The following GLI3 variants were observed in gnomAD, a reference collection of about 807,000 sequenced individuals.
GLI3 encodes the protein transcription activator GLI3.
In GLI3, 20 loss-of-function variants were observed where a neutral mutation model predicts 100.8. That is an observed-to-expected ratio of 0.20 (90% CI 0.14 to 0.29). The LOEUF is 0.29. Among genes scored for constraint, GLI3 ranks in the 10% least tolerant of loss-of-function variants. The pLI, the probability that GLI3 is intolerant of heterozygous loss-of-function variation, is 1.00. For synonymous variants in GLI3, 938 were observed against 860.5 expected (o/e 1.09, Z -1.58); for missense variants, 2,040 against 2,128.5 (o/e 0.96, Z 0.82).
intron 3 of GLI3, among the ~76,000 whole-genome samples, chr7:42,101,837 T>TCCCCCCCCC (rs538820301): frequency 1.0e-5 from 1 of 99,714 alleles, no homozygotes; most frequent in Non-Finnish European, 1.9e-5. Context: ...CCCTCCACCC[T>TCCCCCCCCC]CTCCCACCCC....
rs144856058 is a variant in GLI3 at position 41,999,834 on chromosome 7, TTTGAGCCCCAAGGC to T, written c.1498-21100_1498-21087del. On this transcript the variant is annotated intron_variant, in intron 10 of 14. Coordinates refer to ENST00000395925, the MANE Select transcript of GLI3 (RefSeq NM_000168.6). ...TCCATTCTCTGCCCATGAAGCACAT[TTTGAGCCCCAAGGC>T]TCTACAGAATCAGAAAAAAAGAGAG... Among the ~76,000 whole-genome samples, 1,290 of 152,282 alleles carry T rather than the reference TTTGAGCCCCAAGGC, an allele frequency of 8.5e-3. 18 individuals are homozygous for T. Among genetic ancestry groups the T allele is most frequent in the African/African-American group, 0.029 (1,190 of 41,554 alleles).
At chr7:42,012,279 C>A (rs78400144) in intron 10 of GLI3, among the ~76,000 whole-genome samples, 3 of 152,104 alleles carry the variant, frequency 2.0e-5, no homozygotes, top group Non-Finnish European at 4.4e-5. Context: ...GTACTGATAG[C>A]GACAAGCCTC....
intron 4 of GLI3, among the ~76,000 whole-genome samples, chr7:42,062,853 C>A (rs114385899): frequency 0.012 from 1,807 of 152,104 alleles, 28 homozygotes; most frequent in African/African-American, 0.039. Flanking sequence ...GATGATAAGG[C>A]AGAAAGATAT....
At chr7:41,998,687 A>G (rs1010839089) in intron 10 of GLI3, among the ~76,000 whole-genome samples, 1 of 152,220 alleles carries the variant, frequency 6.6e-6, no homozygotes, top group Non-Finnish European at 1.5e-5. Flanking sequence ...GGCTCAGTAC[A>G]AATTACACTC....
rs182592740 is a variant in GLI3 at position 42,209,083 on chromosome 7, C to T, written c.124+14047G>A. ...TTAATTTTTATTTTAGAGACAGGGTCTCACTCTGCTGCCCACACTGGAGTG... is the reference window on the plus strand; with the variant it reads ...TTAATTTTTATTTTAGAGACAGGGTTTCACTCTGCTGCCCACACTGGAGTG... On this transcript the variant is annotated intron_variant, in intron 2 of 14. Transcript: ENST00000395925. 2.9e-3 allele frequency among the ~76,000 whole-genome samples: 441 copies of T among 152,198 alleles called. 2 individuals are homozygous for T. Among genetic ancestry groups the T allele is most frequent in the Non-Finnish European group, 4.6e-3 (314 of 68,010 alleles).
intron 2 of GLI3, among the ~76,000 whole-genome samples, chr7:42,220,518 T>C (rs1788465416): frequency 6.6e-6 from 1 of 152,150 alleles, no homozygotes; most frequent in Admixed American, 6.5e-5. Flanking sequence ...CACCAGTCCC[T>C]GTGATCAAGA....
At chr7:42,070,225 C>G in intron 4 of GLI3, among the ~76,000 whole-genome samples, 1 of 152,224 alleles carries the variant, frequency 6.6e-6, no homozygotes, top group East Asian at 1.9e-4. Flanking sequence ...GCAGCAAAGA[C>G]TGATAAGCAT....
intron 2 of GLI3, among the ~76,000 whole-genome samples, chr7:42,153,667 A>G (rs1013504018): frequency 1.2e-4 from 19 of 152,306 alleles, no homozygotes; most frequent in African/African-American, 4.1e-4. Context: ...TTCCATATTT[A>G]AGGTCTGAGT....
At chr7:42,060,265 G>A (rs1195002758) in intron 4 of GLI3, among the ~76,000 whole-genome samples, 1 of 152,114 alleles carries the variant, frequency 6.6e-6, no homozygotes, top group African/African-American at 2.4e-5. Flanking sequence ...CCTGGCTTCC[G>A]TTGCCTTGTT....
chr7:42,232,256 C>T (rs543330368), intron 1 of GLI3, among the ~76,000 whole-genome samples: 166 of 152,298 alleles, frequency 1.1e-3, no homozygotes, highest in Non-Finnish European at 2.0e-3. Context: ...GATGCCAACA[C>T]GGCCCTTAAG....
In GLI3 at chr7:41,966,091, C is replaced by T; in HGVS notation, c.2982G>A (p.Pro994=). ...AHGYGRRHLQ[P]HDAPGHGVRR... The stretch of plus-strand genomic sequence containing the variant: ...TCACGCCGTGGCCCGGCGCATCGTG[C>T]GGCTGCAGGTGGCGCCGCCCGTAGC... The change falls in exon 15 of 15, where the codon CCG becomes CCA. Residue 994 remains proline, a synonymous_variant. Transcript: ENST00000395925. The surrounding 1 kb of genome is among the most constrained non-coding windows in gnomAD (Gnocchi z 5.8). 2 of 1,570,172 alleles carry T rather than the reference C, an allele frequency of 1.3e-6. No individual in the cohort carries two copies. Among genetic ancestry groups the T allele is most frequent in the East Asian group, 2.3e-5 (1 of 42,866 alleles).
rs699491 is a variant in GLI3, at chr7:42,044,674, T to C, written c.826+710A>G. Among the ~76,000 whole-genome samples, 477 of 152,100 alleles carry C rather than the reference T, an allele frequency of 3.1e-3. 3 individuals are homozygous for C. Among genetic ancestry groups the C allele is most frequent in the African/African-American group, 0.011 (458 of 41,496 alleles). ...TTTCATATATTCAGCAGCTACAAAC[T>C]GTCTTAGTGGAATACAATTTTTTTA... On this transcript the variant is annotated intron_variant, in intron 6 of 14. Transcript: ENST00000395925.
intron 1 of GLI3, among the ~76,000 whole-genome samples, chr7:42,252,727 C>A (rs888063315): frequency 6.6e-6 from 1 of 152,024 alleles, no homozygotes; most frequent in Non-Finnish European, 1.5e-5. Flanking sequence ...TAAATGATAT[C>A]TTTTTAACAT....
At chr7:42,202,966 T>A (rs1788077180) in intron 2 of GLI3, among the ~76,000 whole-genome samples, 1 of 152,252 alleles carries the variant, frequency 6.6e-6, no homozygotes, top group African/African-American at 2.4e-5. Context: ...CACAATCTCA[T>A]GCTAAAAACT....
chr7:42,207,451 T>A (rs2128695646), intron 2 of GLI3, among the ~76,000 whole-genome samples: 1 of 152,356 alleles, frequency 6.6e-6, no homozygotes, highest in East Asian at 1.9e-4. Context: ...TATCTTCTTT[T>A]AAAATATTTC....
intron 2 of GLI3, among the ~76,000 whole-genome samples, chr7:42,194,759 CTTTTT>C (rs61524545): frequency 9.2e-6 from 1 of 108,982 alleles, no homozygotes; most frequent in Non-Finnish European, 1.8e-5. Context: ...CTCTCTGTCT[CTTTTT>C]TTTTTTTTTT....
At chr7:42,117,516 C>T (rs960896410) in intron 3 of GLI3, among the ~76,000 whole-genome samples, 1 of 152,182 alleles carries the variant, frequency 6.6e-6, no homozygotes, top group Non-Finnish European at 1.5e-5. Flanking sequence ...ACTGAGCATT[C>T]CTAATGGGGA....
intron 1 of GLI3, among the ~76,000 whole-genome samples, chr7:42,263,671 C>G (rs1043026727): frequency 3.4e-4 from 51 of 152,078 alleles, no homozygotes; most frequent in African/African-American, 1.1e-3. Context: ...TGGTCTCTTA[C>G]TCCTGACTTA....
intron 3 of GLI3, 92 bp downstream of exon 3, chr7:42,148,134 C>G: frequency 1.7e-6 from 2 of 1,203,292 alleles, no homozygotes; most frequent in Non-Finnish European, 2.2e-6. Flanking sequence ...TCATAAAGCG[C>G]GCACACACAC....
Sources: allele counts gnomAD v4.1 joint callset (sites outside exome capture counted in the v4.1 genomes callset), GRCh38; gene constraint gnomAD v4.1.1; non-coding constraint Gnocchi (gnomAD v3.1); transcripts MANE v1.5; gene names NCBI Gene and HGNC (gene_info 2026-07-23, HGNC 2026-07-21).